Variants in RALGPS2 observed in about 807,000 individuals in gnomAD.
The protein encoded by RALGPS2 is ras-specific guanine nucleotide-releasing factor RalGPS2.
RALGPS2 carries 43 observed loss-of-function variants against 86.8 expected under a neutral mutation model. The ratio of observed to expected loss-of-function variants is 0.50; its 90% CI spans 0.39 to 0.64. The LOEUF is 0.64. RALGPS2 is among the 30% of genes least tolerant of loss of function. The probability of loss-of-function intolerance (pLI) is 0.00; values close to 1 mark genes in which losing one functional copy is unlikely to be tolerated. For missense variants in RALGPS2, 536 were observed against 694.6 expected, an observed-to-expected ratio of 0.77 and a Z score of 2.57; for synonymous variants, 243 against 231.3, an observed-to-expected ratio of 1.05 and a Z score of -0.46.
chr1:178,803,001 C>G (rs751673212), intron 4 of RALGPS2, among the ~76,000 whole-genome samples: 4 of 152,106 alleles, frequency 2.6e-5, no homozygotes, highest in Non-Finnish European at 5.9e-5. Context: ...AGTGGACCCA[C>G]ACAGTTCAAA....
chr1:178,837,922 T>C (rs1656363376), intron 8 of RALGPS2, among the ~76,000 whole-genome samples: 1 of 152,212 alleles, frequency 6.6e-6, no homozygotes, highest in African/African-American at 2.4e-5. Context: ...CACAGAGCCT[T>C]GTTCATTGCT....
At chr1:178,901,278 G>A (rs1660165898) in intron 17 of RALGPS2, among the ~76,000 whole-genome samples, 1 of 152,058 alleles carries the variant, frequency 6.6e-6, no homozygotes, top group Non-Finnish European at 1.5e-5. Flanking sequence ...AGCCTTCCCA[G>A]AGGCATCCAC....
At chr1:178,844,567 AT>A (rs1656776306) in intron 8 of RALGPS2, among the ~76,000 whole-genome samples, 1 of 152,214 alleles carries the variant, frequency 6.6e-6, no homozygotes, top group African/African-American at 2.4e-5. Flanking sequence ...ATCGTGAAAA[AT>A]TCTTAGAATA....
intron 8 of RALGPS2, among the ~76,000 whole-genome samples, chr1:178,856,670 G>A (rs1415411141): frequency 2.6e-5 from 4 of 151,504 alleles, no homozygotes; most frequent in African/African-American, 9.7e-5. Flanking sequence ...AGTCATCATC[G>A]GTAATTGTTA....
intron 19 of RALGPS2, among the ~76,000 whole-genome samples, chr1:178,911,198 G>T (rs1468591679): frequency 6.6e-6 from 1 of 151,998 alleles, no homozygotes; most frequent in African/African-American, 2.4e-5. Flanking sequence ...TTCTTTCAAA[G>T]AACCAACTTT....
intron 1 of RALGPS2, among the ~76,000 whole-genome samples, chr1:178,764,938 C>G (rs745623217): frequency 3.7e-4 from 57 of 152,140 alleles, no homozygotes; most frequent in Non-Finnish European, 3.4e-4. Flanking sequence ...TGATAGAGTT[C>G]TCATGAGATC....
intron 1 of RALGPS2, among the ~76,000 whole-genome samples, chr1:178,773,545 T>C (rs150159559): frequency 6.6e-6 from 1 of 152,218 alleles, no homozygotes; most frequent in South Asian, 2.1e-4. Flanking sequence ...GTAGTACTTT[T>C]ATAATATCGT....
intron 2 of RALGPS2, among the ~76,000 whole-genome samples, chr1:178,777,024 G>A (rs1164093366): frequency 2.0e-5 from 3 of 150,870 alleles, no homozygotes; most frequent in African/African-American, 4.9e-5. Context: ...ATATGTATAC[G>A]TGTGCCATGC....
chr1:178,806,129 A>C (rs1311573528), intron 4 of RALGPS2, among the ~76,000 whole-genome samples: 1 of 151,798 alleles, frequency 6.6e-6, no homozygotes, highest in Admixed American at 6.6e-5. Context: ...CCTGGGTCTC[A>C]TATCTTCCTT....
intron 1 of RALGPS2, 31 bp downstream of exon 1, chr1:178,725,450 G>GGGGA (rs1157022327): frequency 1.0e-4 from 15 of 149,220 alleles, no homozygotes; most frequent in East Asian, 2.0e-4. Context: ...GGGCGGTGCG[G>GGGGA]GGGAGGGAGG....
chr1:178,769,669 G>A lies in RALGPS2; in HGVS notation c.-83-7013G>A, dbSNP rs368551181. Among the ~76,000 whole-genome samples the A allele has an allele frequency of 2.4e-4, 37 of 152,248 alleles. 1 individual carries two copies. The East Asian group carries it at 5.4e-3, about 22-fold the overall frequency. ...TACCCAGCAGTGATATACATAGACT[G>A]GTTTCAGGTCATGAAGCTGGCCCTG... On this transcript the variant is annotated intron_variant, in intron 1 of 19. Coordinates refer to ENST00000367635, the MANE Select transcript of RALGPS2 (RefSeq NM_152663.5).
intron 8 of RALGPS2, among the ~76,000 whole-genome samples, chr1:178,856,837 C>T (rs1345312499): frequency 6.6e-6 from 1 of 151,938 alleles, no homozygotes; most frequent in Admixed American, 6.6e-5. Flanking sequence ...TACTGAAAAA[C>T]CTCATGTTCT....
At chr1:178,760,075 T>G (rs1040946431) in intron 1 of RALGPS2, among the ~76,000 whole-genome samples, 1 of 152,312 alleles carries the variant, frequency 6.6e-6, no homozygotes, top group African/African-American at 2.4e-5. Context: ...TGTCTTTTAT[T>G]TCTTTTGTCT....
chr1:178,747,821 C>G lies in RALGPS2; in HGVS notation c.-84+22402C>G, dbSNP rs888257028. 1.1e-5 allele frequency: 7 copies of G among 636,036 alleles called. No homozygotes were observed. In the Admixed American group the frequency reaches 1.1e-4, roughly 10 times the overall value. 39.4% of individuals were successfully genotyped at this position (636,036 alleles called of 1,614,324 possible). ...GGAGACGCTCAGGCCCTGCACGATC[C>G]GCAGAGAGCCTATATTACATTAATC... On this transcript the variant is annotated intron_variant, in intron 1 of 19. Coordinates refer to ENST00000367635, the MANE Select transcript of RALGPS2 (RefSeq NM_152663.5).
chr1:178,872,845 A>G (rs6696204), intron 8 of RALGPS2, among the ~76,000 whole-genome samples: 13,551 of 152,204 alleles, frequency 0.089, 651 homozygotes, highest in African/African-American at 0.13. Context: ...TGTTAAATTG[A>G]AAATGAAAGT....
chr1:178,763,880 T>TTTTTTAA (rs1652370198), intron 1 of RALGPS2, among the ~76,000 whole-genome samples: 2 of 152,210 alleles, frequency 1.3e-5, no homozygotes, highest in Admixed American at 6.5e-5. Context: ...TTTTGTTTTT[T>TTTTTTAA]TTTTTAATTT....
intron 19 of RALGPS2, among the ~76,000 whole-genome samples, chr1:178,910,919 T>G (rs139212532): frequency 4.9e-4 from 75 of 152,336 alleles, no homozygotes; most frequent in African/African-American, 1.7e-3. Context: ...GTAGGTTGTT[T>G]ATTACTGATT....
chr1:178,785,533 T>A, intron 3 of RALGPS2, 24 bp from the exon 4 acceptor site: 2 of 1,566,548 alleles, frequency 1.3e-6, no homozygotes, highest in Non-Finnish European at 1.7e-6. Context: ...AAGAAGAAAT[T>A]GTCATTTTTA....
intron 4 of RALGPS2, among the ~76,000 whole-genome samples, chr1:178,801,840 G>A (rs1027308203): frequency 6.6e-6 from 1 of 150,870 alleles, no homozygotes; most frequent in Non-Finnish European, 1.5e-5. Context: ...GGGAGGGAGA[G>A]GTGTGTAGTC....
Sources: gnomAD v4.1 joint callset for allele counts (sites outside exome capture counted in the v4.1 genomes callset) on GRCh38, gnomAD v4.1.1 for gene constraint, MANE v1.5 for transcripts, NCBI Gene and HGNC (gene_info 2026-07-23, HGNC 2026-07-21) for gene names.